The following SCN7A variants were observed in gnomAD, a reference collection of about 807,000 sequenced individuals.
SCN7A encodes sodium voltage-gated channel alpha subunit 7, also known as sodium channel protein type 7 subunit alpha.
SCN7A carries 138 observed loss-of-function variants against 155.2 expected under a neutral mutation model. The ratio of observed to expected loss-of-function variants is 0.89; its 90% CI spans 0.77 to 1.02. SCN7A has a LOEUF of 1.02. Ranked by LOEUF, SCN7A falls within the 50% of genes least tolerant of loss-of-function variation. The pLI is 0.00. For missense variants in SCN7A, 2,058 were observed against 1,986.6 expected, an observed-to-expected ratio of 1.04 and a Z score of -0.68; for synonymous variants, 693 against 649.0, an observed-to-expected ratio of 1.07 and a Z score of -1.03.
chr2:166,412,981 T>G (rs925107436), intron 22 of SCN7A, 87 bp downstream of exon 22: 4 of 964,464 alleles, frequency 4.1e-6, no homozygotes, highest in Non-Finnish European at 4.7e-6. Flanking sequence ...TTGATTTCTA[T>G]TCATTATTAC....
chr2:166,469,816 T>G (rs901701733), intron 7 of SCN7A, among the ~76,000 whole-genome samples: 1 of 151,942 alleles, frequency 6.6e-6, no homozygotes, highest in Admixed American at 6.6e-5. Context: ...ATTAAACAGC[T>G]TTACTGAGAT....
intron 2 of SCN7A, among the ~76,000 whole-genome samples, chr2:166,485,848 A>C (rs905188590): frequency 2.0e-5 from 3 of 152,188 alleles, no homozygotes; most frequent in African/African-American, 7.2e-5. Flanking sequence ...CTCATCAAAA[A>C]GAGCAAGTTG....
At chr2:166,460,338 A>G (rs1702375644) in intron 10 of SCN7A, among the ~76,000 whole-genome samples, 1 of 152,358 alleles carries the variant, frequency 6.6e-6, no homozygotes, top group Admixed American at 6.5e-5. Flanking sequence ...TATAGCCCAT[A>G]CATATTCACT....
intron 10 of SCN7A, 149 bp downstream of exon 10, chr2:166,462,240 G>T: frequency 1.3e-6 from 1 of 792,942 alleles, no homozygotes; most frequent in Non-Finnish European, 1.9e-6. Context: ...CATATAATTT[G>T]ACATTCAGTA....
intron 15 of SCN7A, among the ~76,000 whole-genome samples, chr2:166,433,264 C>G (rs962260935): frequency 9.9e-5 from 15 of 152,058 alleles, no homozygotes; most frequent in Admixed American, 7.9e-4. Context: ...TTTAGCCATT[C>G]CACAATGTAT....
chr2:166,414,683 T>G lies in SCN7A; in HGVS notation c.3415-1562A>C, dbSNP rs961136429. Reference sequence around the variant, plus strand: ...GCTCACCATATGTTCACAGTGGGAATAGACATAGATACACGAGCTTACTTC... The same window carrying G: ...GCTCACCATATGTTCACAGTGGGAAGAGACATAGATACACGAGCTTACTTC... On this transcript the variant is annotated intron_variant, in intron 21 of 25. Transcript: ENST00000643258. The G allele has an allele frequency of 2.1e-5, 3 of 140,690 alleles. No homozygotes were observed. The East Asian group carries it at 6.1e-4, about 29-fold the overall frequency. The allele number at this position is 140,690 out of a possible 1,614,324, so 8.7% of individuals were successfully genotyped here.
chr2:166,419,261 T>C (rs1028599907), intron 20 of SCN7A, among the ~76,000 whole-genome samples: 4 of 151,980 alleles, frequency 2.6e-5, no homozygotes, highest in African/African-American at 9.7e-5. Context: ...TGTGTGTGCA[T>C]GTGTATTTTG....
At chr2:166,417,068 A>G (rs909825048) in intron 20 of SCN7A, 83 bp from the exon 21 acceptor site, 1 of 1,031,322 alleles carries the variant, frequency 9.7e-7, no homozygotes, top group Admixed American at 3.0e-5. Context: ...ATACTAATTG[A>G]TAGAATAACA....
chr2:166,452,268 T>C (rs1702190415), intron 11 of SCN7A, among the ~76,000 whole-genome samples: 1 of 151,964 alleles, frequency 6.6e-6, no homozygotes, highest in Non-Finnish European at 1.5e-5. Context: ...CAGTGTAATT[T>C]AATGTATTCC....
intron 7 of SCN7A, among the ~76,000 whole-genome samples, chr2:166,469,841 C>T (rs562190449): frequency 3.3e-5 from 5 of 151,926 alleles, no homozygotes; most frequent in African/African-American, 4.8e-5. Flanking sequence ...TTCACAAGCC[C>T]CACAATTCAA....
chr2:166,434,059 A>T (rs1050688002), intron 15 of SCN7A, among the ~76,000 whole-genome samples: 3 of 152,178 alleles, frequency 2.0e-5, no homozygotes, highest in African/African-American at 7.2e-5. Flanking sequence ...ACATAAAATA[A>T]GTATGTGAGC....
rs1468989111 is a variant in SCN7A, at chr2:166,405,093, T to A, written c.*487A>T. 6.6e-6 allele frequency: 1 copy of A among 152,418 alleles called. No homozygotes were observed. Among genetic ancestry groups the A allele is most frequent in the Non-Finnish European group, 1.5e-5 (1 of 68,280 alleles). The allele number at this position is 152,418 out of a possible 1,614,324, so 9.4% of individuals were successfully genotyped here. A position where few individuals can be genotyped will look rare whatever the true frequency, so the allele number is the denominator to read the frequency against. On this transcript the variant is annotated 3_prime_UTR_variant, in exon 26 of 26. Transcript: ENST00000643258. ...ATCTCAAAGGCACTTTCTAAAGAAC[T>A]GCTCTCTCCCTTCTTCCAATTGGCT...
rs114288236 is a variant in SCN7A, at chr2:166,483,423, C to A, written c.-15+3433G>T. Reference sequence around the variant, plus strand: ...TGTGTATGTTTGTTATATTTATTTGCGTAGTTTTGTGTACATATTATGTTG... The same window carrying A: ...TGTGTATGTTTGTTATATTTATTTGAGTAGTTTTGTGTACATATTATGTTG... On this transcript the variant is annotated intron_variant, in intron 2 of 25. Transcript: ENST00000643258. Among the ~76,000 whole-genome samples, 547 of 151,874 alleles carry A rather than the reference C, an allele frequency of 3.6e-3. 1 individual carries two copies. Among genetic ancestry groups the A allele is most frequent in the African/African-American group, 0.013 (526 of 41,478 alleles).
intron 3 of SCN7A, 101 bp downstream of exon 3, chr2:166,477,362 G>A: frequency 1.2e-6 from 1 of 807,634 alleles, no homozygotes; most frequent in Non-Finnish European, 1.9e-6. Flanking sequence ...ATCTTTCCCT[G>A]TTTTTCATTA....
At chr2:166,475,103 T>C (rs947105678) in intron 3 of SCN7A, among the ~76,000 whole-genome samples, 151 of 100,744 alleles carry the variant, frequency 1.5e-3, no homozygotes, top group African/African-American at 5.2e-3. Context: ...CACATATATA[T>C]GTATATATAT....
At position 166,432,533 on chromosome 2, in the gene SCN7A, G is replaced by A. The variant is rs1701754920; in HGVS notation, c.2377C>T (p.His793Tyr). The stretch of plus-strand genomic sequence containing the variant: ...GTGTTGCTCAATTCAGAAAGGGTAT[G>A]GTCAGAAATATCTTCTTTAACATAT... ...EVYVKEDISD[H>Y]TLSELSNTQD... Residue 793 changes from histidine to tyrosine, a missense_variant, in exon 16 of 26, where the codon CAT becomes TAT. By Grantham distance (83) the His-to-Tyr change is moderately conservative. Coordinates refer to ENST00000643258, the MANE Select transcript of SCN7A (RefSeq NM_002976.4). The A allele has an allele frequency of 6.2e-7, 1 of 1,613,494 alleles. No homozygotes were observed. Among genetic ancestry groups the A allele is most frequent in the African/African-American group, 1.3e-5 (1 of 74,992 alleles).
chr2:166,493,075 G>A (rs1430049128), intron 1 of SCN7A, among the ~76,000 whole-genome samples: 1 of 152,178 alleles, frequency 6.6e-6, no homozygotes, highest in Non-Finnish European at 1.5e-5. Flanking sequence ...ATTAAGGCTA[G>A]TCATAGCAGG....
chr2:166,458,607 T>C (rs533239406), intron 10 of SCN7A, among the ~76,000 whole-genome samples: 2 of 152,346 alleles, frequency 1.3e-5, no homozygotes, highest in South Asian at 2.1e-4. Flanking sequence ...CTGTTCTATA[T>C]AGGCATATCA....
At chr2:166,419,682 A>C (rs1387535272) in intron 20 of SCN7A, among the ~76,000 whole-genome samples, 1 of 151,954 alleles carries the variant, frequency 6.6e-6, no homozygotes, top group Non-Finnish European at 1.5e-5. Context: ...TGTCATTTTA[A>C]CTTCAATCTT....
Sources: allele counts gnomAD v4.1 joint callset (sites outside exome capture counted in the v4.1 genomes callset), GRCh38; gene constraint gnomAD v4.1.1; transcripts MANE v1.5; gene names NCBI Gene and HGNC (gene_info 2026-07-23, HGNC 2026-07-21).